Variants in LMNB1 observed in about 807,000 individuals in gnomAD.
LMNB1 encodes lamin-B1.
In LMNB1, 23 loss-of-function variants were observed where a neutral mutation model predicts 67.1. The observed-to-expected ratio is 0.34, with a 90% CI of 0.25 to 0.49. The LOEUF (loss-of-function observed/expected upper bound fraction) is 0.49. Ranked by LOEUF, LMNB1 falls within the 20% of genes least tolerant of loss-of-function variation. The pLI is 0.99. For missense variants in LMNB1, 634 were observed against 746.5 expected, an observed-to-expected ratio of 0.85 and a Z score of 1.76; for synonymous variants, 281 against 282.9, an observed-to-expected ratio of 0.99 and a Z score of 0.07.
intron 1 of LMNB1, among the ~76,000 whole-genome samples, chr5:126,787,544 A>ATTTTTTTTTTTTTTTT (rs1222029249): frequency 7.9e-5 from 6 of 76,294 alleles, no homozygotes; most frequent in African/African-American, 2.7e-4. Context: ...ATATATATAT[A>ATTTTTTTTTTTTTTTT]TATTTTTTTT....
chr5:126,832,289 G>A (rs1752154266), intron 9 of LMNB1, among the ~76,000 whole-genome samples: 1 of 151,944 alleles, frequency 6.6e-6, no homozygotes, highest in Non-Finnish European at 1.5e-5. Context: ...ATGAATAATA[G>A]TAATAATAAT....
intron 3 of LMNB1, among the ~76,000 whole-genome samples, chr5:126,806,104 G>A (rs780904635): frequency 3.3e-5 from 5 of 152,024 alleles, no homozygotes; most frequent in Non-Finnish European, 7.4e-5. Flanking sequence ...ACAGGCGTGC[G>A]CCACCACGCC....
chr5:126,818,336 T>G (rs994353789), intron 5 of LMNB1, among the ~76,000 whole-genome samples: 4 of 151,872 alleles, frequency 2.6e-5, no homozygotes, highest in African/African-American at 9.7e-5. Context: ...CCTCCGGGGT[T>G]CAAGCGATTG....
At chr5:126,796,164 G>A (rs1278667930) in intron 1 of LMNB1, among the ~76,000 whole-genome samples, 1 of 151,124 alleles carries the variant, frequency 6.6e-6, no homozygotes, top group African/African-American at 2.4e-5. Flanking sequence ...CTTGACCTCA[G>A]GTGATCCGCC....
intron 10 of LMNB1, among the ~76,000 whole-genome samples, chr5:126,833,692 C>T (rs1008386466): frequency 6.6e-6 from 1 of 152,152 alleles, no homozygotes; most frequent in Non-Finnish European, 1.5e-5. Flanking sequence ...TGGGAACCAT[C>T]GTAATTACTA....
At chr5:126,788,337 A>G (rs1412688473) in intron 1 of LMNB1, among the ~76,000 whole-genome samples, 1 of 152,072 alleles carries the variant, frequency 6.6e-6, no homozygotes, top group African/African-American at 2.4e-5. Context: ...AATGGGGATG[A>G]TAAGTAATAG....
In LMNB1 at chr5:126,836,365, T is replaced by C; in HGVS notation, c.*101T>C. On this transcript the variant is annotated 3_prime_UTR_variant, in exon 11 of 11. Transcript: ENST00000261366. ...GCACAGAATATTTTTATATTTCCTT[T>C]ATGTGAATTTTTAAGCTGCAAATCT... The C allele has an allele frequency of 1.2e-6, 1 of 849,806 alleles. No homozygotes were observed. Among genetic ancestry groups the C allele is most frequent in the Non-Finnish European group, 1.9e-6 (1 of 528,638 alleles). The allele number at this position is 849,806 out of a possible 1,614,324, so 52.6% of individuals were successfully genotyped here.
chr5:126,804,873 C>G lies in LMNB1; in HGVS notation c.457C>G (p.Leu153Val), dbSNP rs751381273. Residue 153 changes from leucine to valine, a missense_variant, in exon 2 of 11, where the codon CTT becomes GTT. Leu to Val is a conservative substitution (Grantham distance 32). Transcript: ENST00000261366. ...GAAAGATGCAGCTCTTGCTACTGCACTTGGTGACAAAAAAAGTTTAGAGGG... is the reference window on the plus strand; with the variant it reads ...GAAAGATGCAGCTCTTGCTACTGCAGTTGGTGACAAAAAAAGTTTAGAGGG... Reference protein sequence around the residue: ...NSKDAALATALGDKKSLEGDL... With the variant: ...NSKDAALATAVGDKKSLEGDL... 3.1e-6 allele frequency: 5 copies of G among 1,614,028 alleles called. No homozygotes were observed. Among genetic ancestry groups the G allele is most frequent in the Middle Eastern group, 1.7e-4 (1 of 6,058 alleles).
At chr5:126,805,446 T>TA (rs1751391101) in intron 2 of LMNB1, 125 bp from the exon 3 acceptor site, 3 of 655,782 alleles carry the variant, frequency 4.6e-6, no homozygotes, top group Non-Finnish European at 7.7e-6. Context: ...TAAGATGAAG[T>TA]AATTATACAT....
intron 5 of LMNB1, among the ~76,000 whole-genome samples, chr5:126,816,062 A>G (rs761135449): frequency 3.3e-5 from 5 of 152,106 alleles, no homozygotes; most frequent in Admixed American, 6.5e-5. Flanking sequence ...TACCTCTGAT[A>G]TATGAAATAA....
chr5:126,826,014 A>T lies in LMNB1; in HGVS notation c.1518A>T (p.Thr506=), dbSNP rs1333992742. 1 of 1,613,984 alleles carries T rather than the reference A, an allele frequency of 6.2e-7. No individual in the cohort carries two copies. The highest frequency in any genetic ancestry group is 8.5e-7 in the Non-Finnish European group (1 of 1,179,920). ...VTIWAANAGV[T]ASPPTDLIWK... ...TTTGGGCTGCAAACGCTGGTGTCAC[A>T]GCCAGCCCCCCAACTGACCTCATCT... Residue 506 remains threonine (T), a synonymous_variant, in exon 9 of 11, where the codon ACA becomes ACT. Transcript: ENST00000261366.
chr5:126,809,293 T>C (rs536905691), intron 3 of LMNB1, among the ~76,000 whole-genome samples: 17 of 152,358 alleles, frequency 1.1e-4, no homozygotes, highest in Non-Finnish European at 2.4e-4. Context: ...TCAACTAATA[T>C]TGTTAATAAG....
intron 1 of LMNB1, among the ~76,000 whole-genome samples, chr5:126,800,883 C>T (rs367551373): frequency 4.3e-4 from 60 of 139,272 alleles, no homozygotes; most frequent in African/African-American, 1.6e-3. Context: ...ACCTCCCAAC[C>T]TCAGGTGATC....
intron 1 of LMNB1, among the ~76,000 whole-genome samples, chr5:126,796,786 C>CTTTTTTTTTTTTTTTTTTTTTTTT (rs34534973): frequency 2.5e-5 from 3 of 118,746 alleles, no homozygotes; most frequent in Admixed American, 9.1e-5. Flanking sequence ...TTTTTTCTTT[C>CTTTTTTTTTTTTTTTTTTTTTTTT]TTTTTTTTTT....
chr5:126,814,646 C>T (rs1449336130), intron 5 of LMNB1, among the ~76,000 whole-genome samples: 1 of 151,628 alleles, frequency 6.6e-6, no homozygotes, highest in African/African-American at 2.4e-5. Flanking sequence ...TCAAGTGATT[C>T]TCCTGCCTCA....
At chr5:126,827,171 C>T (rs1752016558) in intron 9 of LMNB1, among the ~76,000 whole-genome samples, 2 of 152,244 alleles carry the variant, frequency 1.3e-5, no homozygotes, top group South Asian at 4.1e-4. Flanking sequence ...GGAAGCTAAC[C>T]ATATTTACAA....
intron 4 of LMNB1, among the ~76,000 whole-genome samples, 192 bp downstream of exon 4, chr5:126,810,542 TAGA>T (rs1751558097): frequency 6.6e-6 from 1 of 152,234 alleles, no homozygotes; most frequent in Admixed American, 6.5e-5. Context: ...TAAAAATTAC[TAGA>T]AGAATGTAGG....
intron 1 of LMNB1, among the ~76,000 whole-genome samples, chr5:126,798,398 C>T (rs893573237): frequency 1.3e-5 from 2 of 152,054 alleles, no homozygotes; most frequent in Admixed American, 6.6e-5. Flanking sequence ...TGCAGTGAGC[C>T]GAGATCGCGC....
intron 1 of LMNB1, among the ~76,000 whole-genome samples, chr5:126,798,811 T>C (rs1018397812): frequency 1.2e-4 from 18 of 150,376 alleles, no homozygotes; most frequent in Admixed American, 6.7e-5. Flanking sequence ...TTTAGCAAAA[T>C]AGTCATTATC....
Sources: gnomAD v4.1 joint callset for allele counts (sites outside exome capture counted in the v4.1 genomes callset) on GRCh38, gnomAD v4.1.1 for gene constraint, MANE v1.5 for transcripts, NCBI Gene and HGNC (gene_info 2026-07-23, HGNC 2026-07-21) for gene names.